The following CDH18 variants were observed in gnomAD, a reference collection of about 807,000 sequenced individuals.
CDH18 encodes cadherin-18.
CDH18 carries 31 observed loss-of-function variants against 67.9 expected under a neutral mutation model. The observed-to-expected ratio is 0.46, with a 90% CI of 0.34 to 0.62. CDH18 has a LOEUF of 0.62. CDH18 is among the 20% of genes least tolerant of loss of function. The pLI is 0.01. For synonymous variants in CDH18, 362 were observed against 347.2 expected, an observed-to-expected ratio of 1.04 and a Z score of -0.48; for missense variants, 890 against 975.5, an observed-to-expected ratio of 0.91 and a Z score of 1.17.
chr5:19,650,250 AATCC>A (rs1231823967), intron 5 of CDH18, among the ~76,000 whole-genome samples: 1 of 150,388 alleles, frequency 6.6e-6, no homozygotes, highest in East Asian at 2.0e-4. Flanking sequence ...CTTTGGAAGA[AATCC>A]CTCTTTCCCA....
intron 5 of CDH18, among the ~76,000 whole-genome samples, chr5:19,648,831 GTT>G (rs370321094): frequency 6.8e-6 from 1 of 146,496 alleles, no homozygotes; most frequent in African/African-American, 2.5e-5. Context: ...ATATGGAGAG[GTT>G]TTTTTTTTCA....
At chr5:19,596,628 T>A (rs189043370) in intron 6 of CDH18, among the ~76,000 whole-genome samples, 2 of 152,146 alleles carry the variant, frequency 1.3e-5, no homozygotes, top group Admixed American at 1.3e-4. Context: ...ACAAAGCGGA[T>A]TGCAAAAAAC....
At chr5:19,881,988 G>A (rs1051799490) in intron 2 of CDH18, among the ~76,000 whole-genome samples, 3 of 151,974 alleles carry the variant, frequency 2.0e-5, no homozygotes, top group Admixed American at 2.0e-4. Flanking sequence ...TCCACTAATT[G>A]TAATGTATTT....
chr5:20,343,996 C>T (rs891061451), intron 1 of CDH18, among the ~76,000 whole-genome samples: 9 of 152,238 alleles, frequency 5.9e-5, no homozygotes, highest in South Asian at 2.1e-4. Context: ...CTTGAGGAAC[C>T]TCTGATCTGG....
intron 1 of CDH18, among the ~76,000 whole-genome samples, chr5:20,299,707 A>C (rs1348896204): frequency 6.7e-6 from 1 of 149,352 alleles, no homozygotes; most frequent in Non-Finnish European, 1.5e-5. Context: ...GCAGTGAGCC[A>C]AGATCGCACC....
At chr5:20,348,813 T>C (rs1461983852) in intron 1 of CDH18, among the ~76,000 whole-genome samples, 1 of 152,140 alleles carries the variant, frequency 6.6e-6, no homozygotes, top group African/African-American at 2.4e-5. Context: ...CCCACCCTTC[T>C]CTATAAGCAG....
At chr5:20,228,465 T>C (rs906100928) in intron 2 of CDH18, among the ~76,000 whole-genome samples, 2 of 152,240 alleles carry the variant, frequency 1.3e-5, no homozygotes, top group African/African-American at 2.4e-5. Flanking sequence ...ATAGTTATCA[T>C]TTTTAGAAAG....
At chr5:19,731,415 C>A (rs1473573524) in intron 4 of CDH18, among the ~76,000 whole-genome samples, 2 of 152,122 alleles carry the variant, frequency 1.3e-5, no homozygotes, top group Non-Finnish European at 2.9e-5. Flanking sequence ...AGCCCCACTG[C>A]ACTCCAGCCT....
chr5:20,322,734 T>C (rs1477689822), intron 1 of CDH18, among the ~76,000 whole-genome samples: 1 of 152,118 alleles, frequency 6.6e-6, no homozygotes, highest in African/African-American at 2.4e-5. Flanking sequence ...AAGAAGACAA[T>C]GAATGACAAA....
At chr5:20,285,340 C>G (rs1295046594) in intron 1 of CDH18, among the ~76,000 whole-genome samples, 1 of 148,426 alleles carries the variant, frequency 6.7e-6, no homozygotes, top group Non-Finnish European at 1.5e-5. Context: ...TTTTTTGGTC[C>G]CTGAGATAGG....
intron 5 of CDH18, among the ~76,000 whole-genome samples, chr5:19,696,641 G>A (rs928133968): frequency 1.5e-4 from 23 of 151,806 alleles, no homozygotes; most frequent in Middle Eastern, 3.4e-3. Flanking sequence ...TGATCCTCCC[G>A]CCTCGGCCTC....
At chr5:19,644,594 A>C (rs2150237759) in intron 5 of CDH18, among the ~76,000 whole-genome samples, 1 of 152,234 alleles carries the variant, frequency 6.6e-6, no homozygotes, top group Admixed American at 6.5e-5. Context: ...GCTAGAAAGA[A>C]GTTTTGATAT....
chr5:19,783,793 T>C (rs1318353853), intron 3 of CDH18, among the ~76,000 whole-genome samples: 2 of 152,198 alleles, frequency 1.3e-5, no homozygotes, highest in Non-Finnish European at 2.9e-5. Flanking sequence ...TTCTCATTTA[T>C]ATTCTATAAG....
At chr5:20,306,447 T>A (rs921452404) in intron 1 of CDH18, among the ~76,000 whole-genome samples, 1 of 152,186 alleles carries the variant, frequency 6.6e-6, no homozygotes, top group African/African-American at 2.4e-5. Context: ...ATTTTTTTGC[T>A]TTTGTCTCCG....
intron 4 of CDH18, among the ~76,000 whole-genome samples, chr5:19,746,583 A>G (rs1252972834): frequency 6.6e-6 from 1 of 152,200 alleles, no homozygotes; most frequent in African/African-American, 2.4e-5. Flanking sequence ...TTCTCTGCAA[A>G]TAATCAAATT....
chr5:19,652,660 C>A (rs1018089088), intron 5 of CDH18, among the ~76,000 whole-genome samples: 1 of 151,858 alleles, frequency 6.6e-6, no homozygotes, highest in Non-Finnish European at 1.5e-5. Flanking sequence ...GAGGAGGTGA[C>A]GATTGGCGTT....
At chr5:20,069,958 C>T (rs187938635) in intron 2 of CDH18, among the ~76,000 whole-genome samples, 2 of 152,218 alleles carry the variant, frequency 1.3e-5, no homozygotes, top group East Asian at 3.9e-4. Context: ...CAGTGTTGTA[C>T]AGTCTATGGG....
chr5:20,103,714 T>C lies in CDH18; in HGVS notation c.-517-111700A>G, dbSNP rs544895446. Among the ~76,000 whole-genome samples, 4 of 148,700 alleles carry C rather than the reference T, an allele frequency of 2.7e-5. No individual in the cohort carries two copies. The East Asian group carries it at 5.9e-4, about 22-fold the overall frequency. On this transcript the variant is annotated intron_variant, in intron 2 of 14. Transcript: ENST00000507958. ...TGCCACTGCACTCCAACCTGGGCAA[T>C]AGTGTGAGACGCCGTCTCAAAAAAA...
chr5:19,968,368 A>G (rs74844659), intron 2 of CDH18, among the ~76,000 whole-genome samples: 64,846 of 151,986 alleles, frequency 0.43, 16,130 homozygotes, highest in Middle Eastern at 0.66. Context: ...GAACCAAAAA[A>G]GAGCCTGCAT....
Sources: gnomAD v4.1 joint callset for allele counts (sites outside exome capture counted in the v4.1 genomes callset) on GRCh38, gnomAD v4.1.1 for gene constraint, MANE v1.5 for transcripts, NCBI Gene and HGNC (gene_info 2026-07-23, HGNC 2026-07-21) for gene names.